FTO: variants seen among roughly 807,000 people sequenced by gnomAD.
The protein encoded by FTO is FTO alpha-ketoglutarate dependent dioxygenase, also known as alpha-ketoglutarate-dependent dioxygenase FTO.
A neutral mutation model predicts 63.9 loss-of-function variants in FTO; 47 were observed. The observed-to-expected ratio is 0.74, with a 90% CI of 0.58 to 0.94. The LOEUF is 0.94. Ranked by LOEUF, FTO falls within the 40% of genes least tolerant of loss-of-function variation. The pLI is 0.00. For synonymous variants in FTO, 207 were observed against 224.4 expected (o/e 0.92, Z 0.69); for missense variants, 562 against 618.1 (o/e 0.91, Z 0.96).
chr16:54,054,269 A>G (rs1279894051), intron 8 of FTO, among the ~76,000 whole-genome samples: 1 of 152,170 alleles, frequency 6.6e-6, no homozygotes, highest in Non-Finnish European at 1.5e-5. Flanking sequence ...CACTAACCAT[A>G]AAATTGAGGC....
chr16:53,807,065 T>G (rs1161964193), intron 1 of FTO, among the ~76,000 whole-genome samples: 1 of 152,250 alleles, frequency 6.6e-6, no homozygotes, highest in African/African-American at 2.4e-5. Context: ...TATTGATATC[T>G]GATTGATTTC....
intron 4 of FTO, among the ~76,000 whole-genome samples, chr16:53,847,784 G>A (rs1482861929): frequency 4.0e-5 from 6 of 151,294 alleles, no homozygotes; most frequent in East Asian, 1.9e-4. Flanking sequence ...AAAAAAAAGC[G>A]CTGTATTTTA....
At chr16:54,049,810 C>T (rs1350115264) in intron 8 of FTO, among the ~76,000 whole-genome samples, 2 of 152,242 alleles carry the variant, frequency 1.3e-5, no homozygotes, top group Middle Eastern at 3.4e-3. Flanking sequence ...CAGGATTTGG[C>T]CGTGGATCCA....
chr16:54,094,303 A>T (rs967538690), intron 8 of FTO, among the ~76,000 whole-genome samples: 7 of 152,184 alleles, frequency 4.6e-5, no homozygotes, highest in African/African-American at 1.7e-4. Context: ...TTGGCAACTC[A>T]TCCTTCTTTT....
rs779539101 is a variant in FTO, at chr16:53,825,908, T to G, written c.168T>G (p.Ser56Arg). The G allele has an allele frequency of 1.2e-6, 2 of 1,614,016 alleles. No homozygotes were observed. Among genetic ancestry groups the G allele is most frequent in the Non-Finnish European group, 1.7e-6 (2 of 1,179,994 alleles). ...AACTAATTCTCCGAGAAGCCAGCAGTGTATCTGAGGAGCTCCATAAAGAGG... is the reference window on the plus strand; with the variant it reads ...AACTAATTCTCCGAGAAGCCAGCAGGGTATCTGAGGAGCTCCATAAAGAGG... Reference protein sequence around the residue: ...YPKLILREASSVSEELHKEVQ... With the variant: ...YPKLILREASRVSEELHKEVQ... Residue 56 changes from serine to arginine, a missense_variant, in exon 3 of 9, where the codon AGT (serine) becomes AGG (arginine). Coordinates refer to ENST00000471389, the MANE Select transcript of FTO (RefSeq NM_001080432.3).
At chr16:53,800,244 T>G (rs897699001) in intron 1 of FTO, among the ~76,000 whole-genome samples, 16 of 152,176 alleles carry the variant, frequency 1.1e-4, no homozygotes, top group African/African-American at 3.6e-4. Context: ...CTCGATTGTT[T>G]TCTTCTTTGA....
At chr16:53,960,685 C>T (rs2143628456) in intron 8 of FTO, among the ~76,000 whole-genome samples, 2 of 149,122 alleles carry the variant, frequency 1.3e-5, no homozygotes, top group East Asian at 3.9e-4. Context: ...ACCCTGACCA[C>T]AAGGAATGGG....
intron 8 of FTO, among the ~76,000 whole-genome samples, chr16:53,986,756 G>C (rs943505600): frequency 2.6e-5 from 4 of 152,118 alleles, no homozygotes; most frequent in Non-Finnish European, 4.4e-5. Context: ...TCTTCCATGC[G>C]TCTAGGCTGA....
At chr16:53,704,978 A>G (rs958813481) in intron 1 of FTO, among the ~76,000 whole-genome samples, 2 of 150,996 alleles carry the variant, frequency 1.3e-5, no homozygotes, top group Non-Finnish European at 2.9e-5. Context: ...CCAAACTCAG[A>G]TCCTGTTGAT....
intron 8 of FTO, among the ~76,000 whole-genome samples, chr16:54,032,217 C>T (rs773279625): frequency 3.4e-4 from 52 of 152,270 alleles, no homozygotes; most frequent in Non-Finnish European, 5.6e-4. Flanking sequence ...AAGCATGCAT[C>T]TGACAGAGCA....
At chr16:53,819,620 CTTTTAA>C (rs2078796622) in intron 2 of FTO, among the ~76,000 whole-genome samples, 1 of 151,758 alleles carries the variant, frequency 6.6e-6, no homozygotes, top group African/African-American at 2.4e-5. Flanking sequence ...GTTTGTTTGC[CTTTTAA>C]TTTTATGATT....
At chr16:53,848,221 A>G (rs1430066146) in intron 4 of FTO, among the ~76,000 whole-genome samples, 1 of 152,186 alleles carries the variant, frequency 6.6e-6, no homozygotes, top group East Asian at 1.9e-4. Context: ...AGCCCCGTAG[A>G]GGGAGGGACT....
chr16:53,854,530 G>T (rs568366021), intron 4 of FTO, among the ~76,000 whole-genome samples: 1 of 152,028 alleles, frequency 6.6e-6, no homozygotes, highest in African/African-American at 2.4e-5. Context: ...CAATGTTCCC[G>T]CACTGTTTTG....
At position 53,816,098 on chromosome 16, in the gene FTO, C is replaced by T. The variant is rs139000452; in HGVS notation, c.123+5881C>T. 9.5e-4 allele frequency among the ~76,000 whole-genome samples: 144 copies of T among 152,242 alleles called. 1 individual carries two copies. In the South Asian group the frequency reaches 0.012, roughly 13 times the overall value. ...TCTTATCCTTCCTTGCCTTTGTGCC[C>T]ACTAGTACTCTCTTCCCTTTTCTGT... On this transcript the variant is annotated intron_variant, in intron 2 of 8. Transcript: ENST00000471389.
At chr16:53,834,477 G>A (rs2079235412) in intron 3 of FTO, among the ~76,000 whole-genome samples, 1 of 152,128 alleles carries the variant, frequency 6.6e-6, no homozygotes, top group Non-Finnish European at 1.5e-5. Context: ...CCTTAAGCAA[G>A]TTACTTAAAT....
At chr16:53,923,539 C>G (rs1213193626) in intron 7 of FTO, among the ~76,000 whole-genome samples, 1 of 152,174 alleles carries the variant, frequency 6.6e-6, no homozygotes, top group East Asian at 1.9e-4. Context: ...TTTAGTTGTA[C>G]CTGTGCCAGT....
intron 1 of FTO, among the ~76,000 whole-genome samples, chr16:53,803,448 G>A (rs1033150775): frequency 6.6e-6 from 1 of 152,234 alleles, no homozygotes; most frequent in Non-Finnish European, 1.5e-5. Flanking sequence ...TGAAAGCCTT[G>A]TGGAGCTACC....
At chr16:54,098,669 A>G (rs2086567071) in intron 8 of FTO, among the ~76,000 whole-genome samples, 1 of 152,200 alleles carries the variant, frequency 6.6e-6, no homozygotes. Context: ...AATCCTTTGT[A>G]GAAAAACAGG....
At chr16:53,805,968 G>A (rs984834118) in intron 1 of FTO, among the ~76,000 whole-genome samples, 1 of 152,202 alleles carries the variant, frequency 6.6e-6, no homozygotes, top group Non-Finnish European at 1.5e-5. Flanking sequence ...GCAGTGTGCT[G>A]CAGGGCCCAG....
Sources: allele counts gnomAD v4.1 joint callset (sites outside exome capture counted in the v4.1 genomes callset), GRCh38; gene constraint gnomAD v4.1.1; transcripts MANE v1.5; gene names NCBI Gene and HGNC (gene_info 2026-07-23, HGNC 2026-07-21).